CRLF3: variants seen among roughly 807,000 people sequenced by gnomAD.
CRLF3 encodes cytokine receptor-like factor 3.
A neutral mutation model predicts 55.0 loss-of-function variants in CRLF3; 33 were observed. The observed-to-expected ratio is 0.60, with a 90% CI of 0.46 to 0.80. The LOEUF (loss-of-function observed/expected upper bound fraction) is 0.80. CRLF3 is among the 30% of genes least tolerant of loss of function. The probability of loss-of-function intolerance (pLI) is 0.00; values close to 1 mark genes in which losing one functional copy is unlikely to be tolerated. For missense variants in CRLF3, 494 were observed against 538.4 expected, an observed-to-expected ratio of 0.92 and a Z score of 0.82; for synonymous variants, 238 against 196.8, an observed-to-expected ratio of 1.21 and a Z score of -1.75.
intron 4 of CRLF3, among the ~76,000 whole-genome samples, chr17:30,794,011 TG>T (rs2142253203): frequency 6.6e-6 from 1 of 152,214 alleles, no homozygotes; most frequent in African/African-American, 2.4e-5. Flanking sequence ...GCTAATTTTT[TG>T]TATTTTTTGT....
Position 30,793,484 on chromosome 17 carries a change from G to T in CRLF3, c.792C>A (p.Val264=), listed in dbSNP as rs1490919371. Residue 264 remains valine (V), a synonymous_variant, in exon 5 of 8, where the codon GTC becomes GTA. Coordinates refer to ENST00000324238, the MANE Select transcript of CRLF3 (RefSeq NM_015986.4). ...DGRQEWSPWS[V]PQIGHSTLVP... Reference sequence around the variant, plus strand: ...CCAATGTGGAATGACCTATCTGGGGGACACTCCAAGGACTCCACTCCTGTC... The same window carrying T: ...CCAATGTGGAATGACCTATCTGGGGTACACTCCAAGGACTCCACTCCTGTC... 1 of 1,613,990 alleles carries T rather than the reference G, an allele frequency of 6.2e-7. No individual in the cohort carries two copies. Among genetic ancestry groups the T allele is most frequent in the African/African-American group, 1.3e-5 (1 of 74,898 alleles).
intron 1 of CRLF3, among the ~76,000 whole-genome samples, chr17:30,813,029 A>G (rs1020261182): frequency 5.9e-5 from 9 of 152,126 alleles, no homozygotes; most frequent in African/African-American, 1.9e-4. Flanking sequence ...GCCAAGCAAA[A>G]CCAGGAGAAC....
intron 5 of CRLF3, 108 bp from the exon 6 acceptor site, chr17:30,792,680 T>G: frequency 1.0e-6 from 1 of 955,516 alleles, no homozygotes; most frequent in South Asian, 1.9e-5. Context: ...TTAGGGGCCA[T>G]GGTCAAGTTC....
At chr17:30,798,249 G>T (rs1016048581) in intron 2 of CRLF3, among the ~76,000 whole-genome samples, 1 of 151,840 alleles carries the variant, frequency 6.6e-6, no homozygotes, top group African/African-American at 2.4e-5. Context: ...GTGGTGGCAG[G>T]TGCCTGTATT....
intron 7 of CRLF3, 78 bp downstream of exon 7, chr17:30,785,837 AATGT>A: frequency 1.4e-6 from 1 of 734,598 alleles, no homozygotes; most frequent in South Asian, 1.9e-5. Flanking sequence ...TCCTACTATA[AATGT>A]ATGGAACTGG....
At chr17:30,803,789 G>C (rs1972043316) in intron 2 of CRLF3, 112 bp downstream of exon 2, 1 of 819,426 alleles carries the variant, frequency 1.2e-6, no homozygotes, top group African/African-American at 1.7e-5. Context: ...ACATGGAACT[G>C]TAAGTTCATT....
At chr17:30,807,131 T>C (rs1461068086) in intron 1 of CRLF3, among the ~76,000 whole-genome samples, 2 of 152,168 alleles carry the variant, frequency 1.3e-5, no homozygotes, top group African/African-American at 4.8e-5. Context: ...AAATTCTAAC[T>C]ATAAGCCACT....
intron 6 of CRLF3, among the ~76,000 whole-genome samples, chr17:30,788,599 CTTTTTTTTTTTTTTT>C (rs1159336036): frequency 2.5e-5 from 2 of 80,036 alleles, no homozygotes; most frequent in Admixed American, 3.1e-4. Context: ...GTAGTGCCTT[CTTTTTTTTTTTTTTT>C]TTTTTTTTTT....
chr17:30,784,621 A>G (rs1177231336), intron 7 of CRLF3, 178 bp from the exon 8 acceptor site: 2 of 564,498 alleles, frequency 3.5e-6, no homozygotes, highest in Non-Finnish European at 3.1e-6. Flanking sequence ...AGCAGAGACT[A>G]TGAGTTTCCC....
chr17:30,823,364 CA>C lies in CRLF3; in HGVS notation c.129+1158del, dbSNP rs900658249. On this transcript the variant is annotated intron_variant, in intron 1 of 7. Coordinates refer to ENST00000324238, the MANE Select transcript of CRLF3 (RefSeq NM_015986.4). Reference sequence around the variant, plus strand: ...TGAGCGACACAGCCAGACTCCGTCTCAAAAAAAACAGATTATATATATACAT... The same window carrying C: ...TGAGCGACACAGCCAGACTCCGTCTCAAAAAAACAGATTATATATATACAT... Among the ~76,000 whole-genome samples, 5 of 149,200 alleles carry C rather than the reference CA, an allele frequency of 3.4e-5. No homozygotes were observed. The Admixed American group carries it at 3.4e-4, about 10-fold the overall frequency.
At chr17:30,800,435 C>T (rs988818959) in intron 2 of CRLF3, among the ~76,000 whole-genome samples, 5 of 152,080 alleles carry the variant, frequency 3.3e-5, no homozygotes, top group Non-Finnish European at 7.4e-5. Flanking sequence ...ACTAAGCACC[C>T]GCCTTCTCCT....
rs368799036 is a variant in CRLF3 at position 30,791,212 on chromosome 17, A to C, written c.959+1228T>G. On this transcript the variant is annotated intron_variant, in intron 6 of 7. Transcript: ENST00000324238. ...CACTCTCCCTAGTTGCTGGGATTAC[A>C]GGTGTGCACTACCACATCCAGCTAA... 7.2e-5 allele frequency among the ~76,000 whole-genome samples: 11 copies of C among 152,052 alleles called. No individual in the cohort carries two copies. In the East Asian group the frequency reaches 1.8e-3, roughly 24 times the overall value.
In CRLF3 at chr17:30,784,121, T is replaced by TA; in HGVS notation, c.*65dup. 1 of 1,433,664 alleles carries TA rather than the reference T, an allele frequency of 7.0e-7. No individual in the cohort carries two copies. Among genetic ancestry groups the TA allele is most frequent in the Non-Finnish European group, 9.4e-7 (1 of 1,061,140 alleles). 88.8% of individuals were successfully genotyped at this position (1,433,664 alleles called of 1,614,324 possible). A position where few individuals can be genotyped will look rare whatever the true frequency, so the allele number is the denominator to read the frequency against. On this transcript the variant is annotated 3_prime_UTR_variant, in exon 8 of 8. Transcript: ENST00000324238. ...AATTCAACTTTTTTTTTAAAGCAAT[T>TA]ACAACTACGCTGGGCTGAGGACAGC...
At chr17:30,789,245 A>AAACTGTT (rs1971728266) in intron 6 of CRLF3, among the ~76,000 whole-genome samples, 1 of 152,192 alleles carries the variant, frequency 6.6e-6, no homozygotes, top group African/African-American at 2.4e-5. Flanking sequence ...GAGACTCAAC[A>AAACTGTT]GTTTATTGAG....
Position 30,783,102 on chromosome 17 carries a change from C to G in CRLF3, c.*1085G>C, listed in dbSNP as rs1292075388. The G allele has an allele frequency of 6.6e-6, 1 of 152,206 alleles. No individual in the cohort carries two copies. The highest frequency in any genetic ancestry group is 2.4e-5 in the African/African-American group (1 of 41,452). The allele number at this position is 152,206 out of a possible 1,614,324, so 9.4% of individuals were successfully genotyped here. ...CTTATTAAACTGACATTAAACTGGACTGCAGCTCATTCTCTGCAAAGAGTA... is the reference window on the plus strand; with the variant it reads ...CTTATTAAACTGACATTAAACTGGAGTGCAGCTCATTCTCTGCAAAGAGTA... On this transcript the variant is annotated 3_prime_UTR_variant, in exon 8 of 8. Transcript: ENST00000324238.
At chr17:30,808,776 G>T (rs1409003492) in intron 1 of CRLF3, among the ~76,000 whole-genome samples, 4 of 151,760 alleles carry the variant, frequency 2.6e-5, no homozygotes, top group African/African-American at 9.7e-5. Flanking sequence ...TGTATTTTTA[G>T]TAGAGACGGG....
At chr17:30,806,443 C>T (rs1448144497) in intron 1 of CRLF3, among the ~76,000 whole-genome samples, 1 of 152,078 alleles carries the variant, frequency 6.6e-6, no homozygotes, top group Non-Finnish European at 1.5e-5. Flanking sequence ...ACCTACTGAA[C>T]CAGAAAATGA....
chr17:30,801,327 A>T (rs1972004972), intron 2 of CRLF3: 1 of 149,662 alleles, frequency 6.7e-6, no homozygotes. Context: ...GGGTCTCATT[A>T]TCTTGCCCAG....
chr17:30,817,136 G>A (rs1011206388), intron 1 of CRLF3, among the ~76,000 whole-genome samples: 1 of 152,082 alleles, frequency 6.6e-6, no homozygotes, highest in Admixed American at 6.6e-5. Flanking sequence ...CTCCACCTCT[G>A]TATTAAAAAT....
Sources: gnomAD v4.1 joint callset for allele counts (sites outside exome capture counted in the v4.1 genomes callset) on GRCh38, gnomAD v4.1.1 for gene constraint, MANE v1.5 for transcripts, NCBI Gene and HGNC (gene_info 2026-07-23, HGNC 2026-07-21) for gene names.